AGPAT5: variants seen among roughly 807,000 people sequenced by gnomAD.
AGPAT5 encodes the protein 1-acyl-sn-glycerol-3-phosphate acyltransferase epsilon.
In AGPAT5, 46 loss-of-function variants were observed where a neutral mutation model predicts 45.6. That is an observed-to-expected ratio of 1.01 (90% CI 0.80 to 1.29). AGPAT5 has a LOEUF of 1.29. Ranked by LOEUF, AGPAT5 falls within the 50% of genes most tolerant of loss-of-function variation. The pLI is 0.00. For missense variants in AGPAT5, 673 were observed against 450.7 expected, an observed-to-expected ratio of 1.49 and a Z score of -4.47; for synonymous variants, 272 against 167.0, an observed-to-expected ratio of 1.63 and a Z score of -4.85.
rs1801979090 is a variant in AGPAT5, at chr8:6,760,015, A to G, written c.*2627A>G. Among the ~76,000 whole-genome samples the G allele has an allele frequency of 2.0e-5, 3 of 152,310 alleles. No homozygotes were observed. The highest frequency in any genetic ancestry group is 6.5e-5 in the Admixed American group (1 of 15,298). The stretch of plus-strand genomic sequence containing the variant: ...ACACCATACATACTGATAGTTTTTC[A>G]TATGTTTCATTTCCATGTGATTTTT... On this transcript the variant is annotated 3_prime_UTR_variant, in exon 8 of 8. Transcript: ENST00000285518.
chr8:6,743,695 C>G (rs1227712493), intron 5 of AGPAT5, among the ~76,000 whole-genome samples: 1 of 151,156 alleles, frequency 6.6e-6, no homozygotes, highest in Non-Finnish European at 1.5e-5. Flanking sequence ...ATTTGGCTTT[C>G]TAATGGTTAT....
chr8:6,747,875 T>A, intron 6 of AGPAT5, 47 bp downstream of exon 6: 1 of 1,531,438 alleles, frequency 6.5e-7, no homozygotes. Flanking sequence ...GTATATACAG[T>A]GCACATGTTT....
chr8:6,724,201 G>A (rs1563287479), intron 1 of AGPAT5, among the ~76,000 whole-genome samples: 1 of 152,120 alleles, frequency 6.6e-6, no homozygotes, highest in Admixed American at 6.6e-5. Flanking sequence ...TCTTTAGCAT[G>A]GAATTCAAAA....
At chr8:6,728,603 A>G (rs886114174) in intron 2 of AGPAT5, among the ~76,000 whole-genome samples, 3 of 152,228 alleles carry the variant, frequency 2.0e-5, no homozygotes, top group Non-Finnish European at 2.9e-5. Flanking sequence ...TTGTTTTAAA[A>G]TAAAACCCAT....
chr8:6,749,207 A>G (rs1300397449), intron 6 of AGPAT5, among the ~76,000 whole-genome samples: 5 of 152,210 alleles, frequency 3.3e-5, no homozygotes, highest in Non-Finnish European at 2.9e-5. Context: ...TCAGGTTTTA[A>G]AAGAAAAGCT....
chr8:6,718,562 A>G (rs1005572157), intron 1 of AGPAT5, among the ~76,000 whole-genome samples: 8 of 152,186 alleles, frequency 5.3e-5, no homozygotes, highest in African/African-American at 1.9e-4. Flanking sequence ...GTTCTGTTAG[A>G]TGTAGTCTGC....
Position 6,757,354 on chromosome 8 carries a change from T to C in AGPAT5, c.1061T>C (p.Leu354Pro). ...LYVNTWIYGT[L>P]LGCLWVTIKA ...GTGAACACCTGGATATATGGAACCCTACTTGGCTGCCTGTGGGTTACTATT... is the reference window on the plus strand; with the variant it reads ...GTGAACACCTGGATATATGGAACCCCACTTGGCTGCCTGTGGGTTACTATT... The change falls in exon 8 of 8, where the codon CTA becomes CCA. Residue 354 changes from leucine (L) to proline (P), a missense_variant. Transcript: ENST00000285518. The C allele has an allele frequency of 1.9e-6, 3 of 1,614,230 alleles. No homozygotes were observed. The highest frequency in any genetic ancestry group is 2.5e-6 in the Non-Finnish European group (3 of 1,180,032).
intron 1 of AGPAT5, among the ~76,000 whole-genome samples, chr8:6,713,675 T>G (rs1412723472): frequency 6.6e-6 from 1 of 151,778 alleles, no homozygotes; most frequent in African/African-American, 2.4e-5. Flanking sequence ...CACCTCAGCC[T>G]CCTGAGTAGC....
Position 6,741,732 on chromosome 8 carries a change from G to C in AGPAT5, c.567G>C (p.Gln189His). ...PEQTKVLSASQAFAAQRGLAV... is the reference protein window; with the variant it reads ...PEQTKVLSASHAFAAQRGLAV... ...AAACAAAAGTCCTTTCAGCTAGTCA[G>C]GCATTTGCTGCCCAACGTGGTAAGT... Residue 189 changes from glutamine to histidine, a missense_variant, in exon 5 of 8, where the codon CAG becomes CAC. Gln to His is a conservative substitution (Grantham distance 24). Coordinates refer to ENST00000285518, the MANE Select transcript of AGPAT5 (RefSeq NM_018361.5). 1 of 1,611,970 alleles carries C rather than the reference G, an allele frequency of 6.2e-7. No individual in the cohort carries two copies. The highest frequency in any genetic ancestry group is 1.3e-5 in the African/African-American group (1 of 74,948).
chr8:6,708,965 T>C, intron 1 of AGPAT5, 78 bp downstream of exon 1: 1 of 1,412,230 alleles, frequency 7.1e-7, no homozygotes, highest in Non-Finnish European at 9.7e-7. Context: ...CCCCCACAGC[T>C]GGCGAGGGTC....
At chr8:6,709,495 G>C (rs948581918) in intron 1 of AGPAT5, 2 of 151,480 alleles carry the variant, frequency 1.3e-5, no homozygotes, top group African/African-American at 2.4e-5. Context: ...TGGATTCGTA[G>C]ATTAAACTTG....
intron 6 of AGPAT5, among the ~76,000 whole-genome samples, chr8:6,751,685 C>T (rs755016587): frequency 2.8e-4 from 42 of 152,026 alleles, no homozygotes; most frequent in Non-Finnish European, 4.1e-4. Flanking sequence ...GCGGCAGAGA[C>T]GAAACAGTGT....
chr8:6,710,325 A>G (rs935367540), intron 1 of AGPAT5, among the ~76,000 whole-genome samples: 2 of 152,188 alleles, frequency 1.3e-5, no homozygotes, highest in African/African-American at 2.4e-5. Context: ...TTGATTTCCC[A>G]GCAAGTGATT....
Position 6,755,072 on chromosome 8 carries a change from C to T in AGPAT5, c.767C>T (p.Pro256Leu). Residue 256 changes from proline to leucine, a missense_variant, in exon 7 of 8, where the codon CCA becomes CTA. By Grantham distance (98) the Pro-to-Leu change is moderately conservative. Coordinates refer to ENST00000285518, the MANE Select transcript of AGPAT5 (RefSeq NM_018361.5). Reference protein sequence around the residue: ...TMTEFLCKECPKIHIHIDRID... With the variant: ...TMTEFLCKECLKIHIHIDRID... ...TTAGAATTTCTCTGCAAAGAATGTC[C>T]AAAAATTCATATTCACATTGATCGT... The T allele has an allele frequency of 6.3e-7, 1 of 1,589,616 alleles. No homozygotes were observed. The highest frequency in any genetic ancestry group is 8.5e-7 in the Non-Finnish European group (1 of 1,171,930).
intron 1 of AGPAT5, among the ~76,000 whole-genome samples, chr8:6,710,898 T>C (rs1800134125): frequency 6.6e-6 from 1 of 152,202 alleles, no homozygotes; most frequent in African/African-American, 2.4e-5. Flanking sequence ...GCTTTTCTTG[T>C]TTTGTTAGGA....
chr8:6,733,859 G>A (rs117013778), intron 4 of AGPAT5, among the ~76,000 whole-genome samples: 2,284 of 152,306 alleles, frequency 0.015, 28 homozygotes, highest in Middle Eastern at 0.044. Flanking sequence ...AGCAAATGAA[G>A]ATAGCTGCCT....
Position 6,708,882 on chromosome 8 carries a change from G to A in AGPAT5, c.214G>A (p.Val72Ile), listed in dbSNP as rs1268554450. 3.1e-6 allele frequency: 5 copies of A among 1,601,830 alleles called. No individual in the cohort carries two copies. The highest frequency in any genetic ancestry group is 2.7e-5 in the African/African-American group (2 of 74,334). ...CTTCTTCTTCGAGAATTACACCGGG[G>A]TCCAGGTGAGCCGCCTCCCGCTCCC... ...VLFFFENYTG[V>I]QILLYGDLPK... Residue 72 changes from valine to isoleucine, a missense_variant, in exon 1 of 8, where the codon GTC becomes ATC. Val to Ile is a conservative substitution (Grantham distance 29, BLOSUM62 3). Transcript: ENST00000285518.
chr8:6,750,192 T>G (rs542160191), intron 6 of AGPAT5, among the ~76,000 whole-genome samples: 1 of 152,348 alleles, frequency 6.6e-6, no homozygotes, highest in South Asian at 2.1e-4. Flanking sequence ...GTGGCACTGA[T>G]GGCGTGTGTT....
In AGPAT5 at chr8:6,761,289, ATG is replaced by A. The variant is rs1802036996; in HGVS notation, c.*3904_*3905del. On this transcript the variant is annotated 3_prime_UTR_variant, in exon 8 of 8. Coordinates refer to ENST00000285518, the MANE Select transcript of AGPAT5 (RefSeq NM_018361.5). ...GATTATTATTGGTTCATGATTTTATATGTGAATATGTAAGATATGTTCTGCAA... is the reference window on the plus strand; with the variant it reads ...GATTATTATTGGTTCATGATTTTATATGAATATGTAAGATATGTTCTGCAA... 6.6e-6 allele frequency among the ~76,000 whole-genome samples: 1 copy of A among 152,228 alleles called. No individual in the cohort carries two copies. Among genetic ancestry groups the A allele is most frequent in the Non-Finnish European group, 1.5e-5 (1 of 68,040 alleles).
Sources: gnomAD v4.1 joint callset for allele counts (sites outside exome capture counted in the v4.1 genomes callset) on GRCh38, gnomAD v4.1.1 for gene constraint, MANE v1.5 for transcripts, NCBI Gene and HGNC (gene_info 2026-07-23, HGNC 2026-07-21) for gene names.